Variants in SMARCB1 observed in about 807,000 individuals in gnomAD.
SMARCB1 encodes the protein SWI/SNF-related matrix-associated actin-dependent regulator of chromatin subfamily B member 1.
SMARCB1 carries 5 observed loss-of-function variants against 49.0 expected under a neutral mutation model. The observed-to-expected ratio is 0.10, with a 90% confidence interval of 0.05 to 0.21. The LOEUF (loss-of-function observed/expected upper bound fraction) is 0.21. SMARCB1 is among the 10% of genes least tolerant of loss of function. The pLI is 1.00. For missense variants in SMARCB1, 226 were observed against 509.2 expected (o/e 0.44, Z 5.35); for synonymous variants, 201 against 200.1 (o/e 1.00, Z -0.04).
intron 5 of SMARCB1, among the ~76,000 whole-genome samples, chr22:23,813,953 C>T (rs1930031179): frequency 6.6e-6 from 1 of 152,072 alleles, no homozygotes; most frequent in Non-Finnish European, 1.5e-5. Flanking sequence ...CCTTAGTCTC[C>T]CGAGTAGGTG....
rs56800497 is a variant in SMARCB1, at chr22:23,830,649, C to CTTTTTTTTTTTTT, written c.987-2902_987-2890dup. ...TTCATTTTGATGTAGTCCAATTTAT[C>CTTTTTTTTTTTTT]TTTTTTTTTTTTTTTTTTTTTTTTT... On this transcript the variant is annotated intron_variant, in intron 7 of 8. Coordinates refer to ENST00000644036, the MANE Select transcript of SMARCB1 (RefSeq NM_003073.5). Among the ~76,000 whole-genome samples, 23 of 95,416 alleles carry CTTTTTTTTTTTTT rather than the reference C, an allele frequency of 2.4e-4. 1 individual carries two copies. Among genetic ancestry groups the CTTTTTTTTTTTTT allele is most frequent in the South Asian group, 4.3e-4 (1 of 2,326 alleles). The allele number at this position is 95,416 out of a possible 152,430, so 62.6% of individuals were successfully genotyped here.
intron 3 of SMARCB1, among the ~76,000 whole-genome samples, chr22:23,793,932 C>G (rs1400361961): frequency 6.6e-6 from 1 of 152,076 alleles, no homozygotes; most frequent in Non-Finnish European, 1.5e-5. Flanking sequence ...CAGGTGCCTG[C>G]CACTATACCT....
chr22:23,823,211 G>A (rs867573912), intron 6 of SMARCB1: 74 of 152,338 alleles, frequency 4.9e-4, no homozygotes, highest in African/African-American at 1.5e-3. Flanking sequence ...TGACTGAATG[G>A]CAGGGGACAG....
chr22:23,829,449 G>A lies in SMARCB1; in HGVS notation c.986+4034G>A, dbSNP rs34734868. Among the ~76,000 whole-genome samples, 954 of 152,310 alleles carry A rather than the reference G, an allele frequency of 6.3e-3. 10 individuals are homozygous for A. The highest frequency in any genetic ancestry group is 0.019 in the African/African-American group (804 of 41,562). On this transcript the variant is annotated intron_variant, in intron 7 of 8. Coordinates refer to ENST00000644036, the MANE Select transcript of SMARCB1 (RefSeq NM_003073.5). ...GCTCTGCACACCAGCAGTCCTACACGTACAGGGTGGGGATGAAAAGAGACT... is the reference window on the plus strand; with the variant it reads ...GCTCTGCACACCAGCAGTCCTACACATACAGGGTGGGGATGAAAAGAGACT...
chr22:23,836,654 C>A lies in SMARCB1; in HGVS notation c.*2474C>A, dbSNP rs888863989. 3.0e-5 allele frequency: 38 copies of A among 1,259,294 alleles called. No homozygotes were observed. The highest frequency in any genetic ancestry group is 3.4e-5 in the Non-Finnish European group (34 of 1,007,178). 78.0% of individuals were successfully genotyped at this position (1,259,294 alleles called of 1,614,324 possible). Reference sequence around the variant, plus strand: ...TACCACCTGCAGTTGGGCTGAGAGGCCACACTGAGTGAGGACGGGGCAGGC... The same window carrying A: ...TACCACCTGCAGTTGGGCTGAGAGGACACACTGAGTGAGGACGGGGCAGGC... On this transcript the variant is annotated 3_prime_UTR_variant, in exon 9 of 9. Transcript: ENST00000644036.
chr22:23,802,822 C>T (rs1929250576), intron 4 of SMARCB1: 1 of 300,330 alleles, frequency 3.3e-6, no homozygotes, highest in South Asian at 3.1e-5. Context: ...ACTGTGGGTG[C>T]TTCGACACCC....
rs1031970398 is a variant in SMARCB1, at chr22:23,830,648, T to C, written c.987-2924T>C. 5.2e-3 allele frequency among the ~76,000 whole-genome samples: 627 copies of C among 120,914 alleles called. 6 individuals are homozygous for C. The highest frequency in any genetic ancestry group is 0.02 in the African/African-American group (583 of 29,196). The allele number at this position is 120,914 out of a possible 152,430, so 79.3% of individuals were successfully genotyped here. A position where few individuals can be genotyped will look rare whatever the true frequency, so the allele number is the denominator to read the frequency against. Reference sequence around the variant, plus strand: ...TTTCATTTTGATGTAGTCCAATTTATCTTTTTTTTTTTTTTTTTTTTTTTT... The same window carrying C: ...TTTCATTTTGATGTAGTCCAATTTACCTTTTTTTTTTTTTTTTTTTTTTTT... On this transcript the variant is annotated intron_variant, in intron 7 of 8. Coordinates refer to ENST00000644036, the MANE Select transcript of SMARCB1 (RefSeq NM_003073.5).
chr22:23,827,652 C>T (rs1410001239), intron 7 of SMARCB1, among the ~76,000 whole-genome samples: 7 of 152,234 alleles, frequency 4.6e-5, no homozygotes, highest in African/African-American at 9.6e-5. Flanking sequence ...GGTGAGCACA[C>T]GTCCCTATCA....
chr22:23,810,541 A>AAG (rs1453532276), intron 5 of SMARCB1, among the ~76,000 whole-genome samples: 1 of 150,856 alleles, frequency 6.6e-6, no homozygotes, highest in Non-Finnish European at 1.5e-5. Flanking sequence ...AAAAAAAAAA[A>AAG]AAAAAAGAAA....
chr22:23,822,656 T>G (rs1247367440), intron 6 of SMARCB1, among the ~76,000 whole-genome samples: 1 of 152,002 alleles, frequency 6.6e-6, no homozygotes, highest in Non-Finnish European at 1.5e-5. Context: ...CACCCTCATC[T>G]CCTCCCTTTT....
rs770764322 is a variant in SMARCB1 at position 23,793,725 on chromosome 22, C to A, written c.362+37C>A. 18 of 1,609,292 alleles carry A rather than the reference C, an allele frequency of 1.1e-5. No homozygotes were observed. In the South Asian group the frequency reaches 2.0e-4, roughly 18 times the overall value. On this transcript the variant is annotated intron_variant, in intron 3 of 8. Transcript: ENST00000644036. ...CTGGCCAGGGCATCTCTGGGGACAC[C>A]TGTGGGGTCTTTTCTGAGACTCAAG...
At position 23,813,797 on chromosome 22, in the gene SMARCB1, G is replaced by A. The variant is rs549169252; in HGVS notation, c.629-2973G>A. Among the ~76,000 whole-genome samples, 23 of 152,150 alleles carry A rather than the reference G, an allele frequency of 1.5e-4. No individual in the cohort carries two copies. The South Asian group carries it at 2.9e-3, about 19-fold the overall frequency. The stretch of plus-strand genomic sequence containing the variant: ...TCTAAGATTTATATGGAAAGGCAAA[G>A]AAACTAAAATAGCTAAAGCAATTTA... On this transcript the variant is annotated intron_variant, in intron 5 of 8. Transcript: ENST00000644036.
Position 23,834,905 on chromosome 22 carries a change from A to G in SMARCB1, c.*725A>G. 2.5e-6 allele frequency: 4 copies of G among 1,611,608 alleles called. No homozygotes were observed. The highest frequency in any genetic ancestry group is 3.3e-4 in the Middle Eastern group (2 of 6,046). Reference sequence around the variant, plus strand: ...GTGTCCAGATGGTCAGGCTACTGCCAGCTGGGGCCTTGCTGCTCTGAAGTC... The same window carrying G: ...GTGTCCAGATGGTCAGGCTACTGCCGGCTGGGGCCTTGCTGCTCTGAAGTC... On this transcript the variant is annotated 3_prime_UTR_variant, in exon 9 of 9. Coordinates refer to ENST00000644036, the MANE Select transcript of SMARCB1 (RefSeq NM_003073.5).
intron 1 of SMARCB1, among the ~76,000 whole-genome samples, chr22:23,791,444 T>C (rs1241569252): frequency 6.6e-6 from 1 of 152,242 alleles, no homozygotes; most frequent in East Asian, 1.9e-4. Context: ...TTCTGGAAAG[T>C]GCCAGAGATC....
intron 3 of SMARCB1, among the ~76,000 whole-genome samples, chr22:23,794,066 TC>T (rs1928589512): frequency 6.6e-6 from 1 of 152,220 alleles, no homozygotes; most frequent in African/African-American, 2.4e-5. Context: ...TGCCTCAGCC[TC>T]CCAGATAGCT....
chr22:23,805,041 T>G (rs1327520414), intron 5 of SMARCB1, among the ~76,000 whole-genome samples: 1 of 152,152 alleles, frequency 6.6e-6, no homozygotes, highest in Non-Finnish European at 1.5e-5. Context: ...TTCTGAAGGA[T>G]TAGGCTGCTT....
chr22:23,830,516 C>G (rs2030597397), intron 7 of SMARCB1, among the ~76,000 whole-genome samples: 1 of 152,006 alleles, frequency 6.6e-6, no homozygotes, highest in Non-Finnish European at 1.5e-5. Context: ...TTTATATATT[C>G]TACATAGAAG....
At chr22:23,790,757 C>T (rs141855692) in intron 1 of SMARCB1, among the ~76,000 whole-genome samples, 2 of 152,164 alleles carry the variant, frequency 1.3e-5, no homozygotes, top group African/African-American at 4.8e-5. Flanking sequence ...GCAGGAGGAT[C>T]GCTTGAGCCG....
intron 7 of SMARCB1, 90 bp downstream of exon 7, chr22:23,825,505 G>A: frequency 8.4e-7 from 1 of 1,183,852 alleles, no homozygotes; most frequent in South Asian, 1.4e-5. Context: ...ATACCTTTGA[G>A]GCTTTCTCAC....
Sources: allele counts gnomAD v4.1 joint callset (sites outside exome capture counted in the v4.1 genomes callset), GRCh38; gene constraint gnomAD v4.1.1; transcripts MANE v1.5; gene names NCBI Gene and HGNC (gene_info 2026-07-23, HGNC 2026-07-21).